The following NCOA1 variants were observed in gnomAD, a reference collection of about 807,000 sequenced individuals.
NCOA1 encodes the protein nuclear receptor coactivator 1, also known as Hin-2 protein.
A neutral mutation model predicts 150.9 loss-of-function variants in NCOA1; 35 were observed. The observed-to-expected ratio is 0.23, with a 90% CI of 0.18 to 0.31. The LOEUF is 0.31. NCOA1 is among the 10% of genes least tolerant of loss of function. The pLI is 1.00. For synonymous variants in NCOA1, 590 were observed against 630.0 expected (o/e 0.94, Z 0.95); for missense variants, 1,491 against 1,749.3 (o/e 0.85, Z 2.63).
intron 6 of NCOA1, among the ~76,000 whole-genome samples, chr2:24,668,155 G>A (rs1173336904): frequency 6.6e-6 from 1 of 152,088 alleles, no homozygotes; most frequent in African/African-American, 2.4e-5. Flanking sequence ...AATGGAAAAT[G>A]AGAGAAAAAA....
At chr2:24,622,661 A>G (rs1009710874) in intron 3 of NCOA1, among the ~76,000 whole-genome samples, 1 of 152,122 alleles carries the variant, frequency 6.6e-6, no homozygotes, top group African/African-American at 2.4e-5. Context: ...GTCTTTTGCC[A>G]TTTTGATAGA....
intron 14 of NCOA1, among the ~76,000 whole-genome samples, chr2:24,717,953 A>G (rs115485288): frequency 4.9e-4 from 74 of 150,894 alleles, no homozygotes; most frequent in African/African-American, 1.8e-3. Context: ...CTGGAGTGCA[A>G]TGGCATGATT....
intron 1 of NCOA1, among the ~76,000 whole-genome samples, chr2:24,505,933 A>G (rs1185215922): frequency 1.3e-5 from 2 of 152,120 alleles, no homozygotes; most frequent in African/African-American, 4.8e-5. Flanking sequence ...CAACATACAG[A>G]GTAAAGCAGA....
intron 11 of NCOA1, among the ~76,000 whole-genome samples, chr2:24,701,362 T>C (rs961721012): frequency 6.6e-6 from 1 of 151,600 alleles, no homozygotes; most frequent in Non-Finnish European, 1.5e-5. Context: ...ATACAAAAAT[T>C]AGCTAGGCGT....
Position 24,706,935 on chromosome 2 carries a change from C to T in NCOA1, c.1465C>T (p.Pro489Ser). The change falls in exon 13 of 23, where the codon CCA becomes TCA. Residue 489 changes from proline (P) to serine (S), a missense_variant. Around this residue, in one of 8 missense-constraint regions of NCOA1, gnomAD observed 703 missense variants for 717.7 expected, o/e 0.98. Coordinates refer to ENST00000348332, the MANE Select transcript of NCOA1 (RefSeq NM_003743.5). ...AATATCCCTAGCACAGTTCATGTCT[C>T]CAAGGAGACAGGTTACTTCTGGATT... is the stretch of plus-strand genomic sequence containing the variant. ...TGISLAQFMS[P>S]RRQVTSGLAT... 6.2e-7 allele frequency: 1 copy of T among 1,614,168 alleles called. No homozygotes were observed. Among genetic ancestry groups the T allele is most frequent in the Non-Finnish European group, 8.5e-7 (1 of 1,180,018 alleles).
At chr2:24,629,963 C>T (rs963842031) in intron 3 of NCOA1, among the ~76,000 whole-genome samples, 1 of 151,176 alleles carries the variant, frequency 6.6e-6, no homozygotes, top group African/African-American at 2.4e-5. Flanking sequence ...CCTGCCTCAG[C>T]CTCCGGAGTA....
At chr2:24,664,525 A>G (rs1277522321) in intron 5 of NCOA1, among the ~76,000 whole-genome samples, 2 of 152,138 alleles carry the variant, frequency 1.3e-5, no homozygotes, top group African/African-American at 4.8e-5. Context: ...CCTGGCCAAC[A>G]TGGTGAAACC....
At chr2:24,739,405 T>G in intron 17 of NCOA1, 27 bp from the exon 18 acceptor site, 1 of 1,496,430 alleles carries the variant, frequency 6.7e-7, no homozygotes, top group South Asian at 1.1e-5. Context: ...TGTAGAAATA[T>G]ATCTTATTGT....
intron 21 of NCOA1, 107 bp from the exon 22 acceptor site, chr2:24,762,580 C>A: frequency 1.1e-6 from 1 of 917,122 alleles, no homozygotes; most frequent in Non-Finnish European, 1.7e-6. Context: ...TTCATTTTTG[C>A]TGTGCTCCTA....
intron 14 of NCOA1, among the ~76,000 whole-genome samples, chr2:24,722,471 G>A (rs1342164017): frequency 4.6e-5 from 7 of 152,090 alleles, no homozygotes; most frequent in Admixed American, 2.6e-4. Context: ...AACCAAATAC[G>A]TTGATCTAAA....
intron 3 of NCOA1, among the ~76,000 whole-genome samples, chr2:24,594,239 G>A (rs948359905): frequency 6.6e-6 from 1 of 152,052 alleles, no homozygotes; most frequent in African/African-American, 2.4e-5. Context: ...ATGGTAATTT[G>A]TAATTTATAA....
At chr2:24,608,704 GTTTTT>G (rs56710627) in intron 3 of NCOA1, among the ~76,000 whole-genome samples, 1 of 117,330 alleles carries the variant, frequency 8.5e-6, no homozygotes. Context: ...TTGTTGTTGT[GTTTTT>G]TTTTTTTTTT....
chr2:24,608,668 G>A (rs1421347608), intron 3 of NCOA1, among the ~76,000 whole-genome samples: 1 of 149,234 alleles, frequency 6.7e-6, no homozygotes, highest in South Asian at 2.1e-4. Context: ...GATTTCAACA[G>A]GTTTTTTTGT....
intron 19 of NCOA1, among the ~76,000 whole-genome samples, 175 bp downstream of exon 19, chr2:24,742,361 G>A (rs982927464): frequency 2.0e-5 from 3 of 152,166 alleles, no homozygotes; most frequent in Non-Finnish European, 4.4e-5. Flanking sequence ...TGGTTGACTG[G>A]TTTGAGGCTT....
At chr2:24,649,907 C>G (rs978939860) in intron 4 of NCOA1, among the ~76,000 whole-genome samples, 1 of 151,962 alleles carries the variant, frequency 6.6e-6, no homozygotes, top group Non-Finnish European at 1.5e-5. Context: ...GGGCAAGTTA[C>G]CAAATCCTTG....
At chr2:24,646,686 ATTTTTCT>A (rs1670489406) in intron 4 of NCOA1, among the ~76,000 whole-genome samples, 2 of 148,456 alleles carry the variant, frequency 1.3e-5, no homozygotes. Context: ...AGATTCATGG[ATTTTTCT>A]TTTTTCTTCT....
chr2:24,726,502 C>G (rs1674629034), intron 14 of NCOA1, 87 bp from the exon 15 acceptor site: 2 of 700,744 alleles, frequency 2.9e-6, no homozygotes, highest in African/African-American at 1.8e-5. Context: ...AAGGAGAAAT[C>G]TCACTCTCCA....
chr2:24,701,011 A>T (rs1196917952), intron 11 of NCOA1, among the ~76,000 whole-genome samples: 1 of 152,226 alleles, frequency 6.6e-6, no homozygotes, highest in Non-Finnish European at 1.5e-5. Flanking sequence ...AATACCTTTT[A>T]AATTTTGTTA....
Position 24,529,928 on chromosome 2 carries a change from C to G in NCOA1, c.-395-34367C>G, listed in dbSNP as rs1468058375. ...GACATTCTTTACTTTTAGCCTATTT[C>G]AGATTTTAAAAAAGTGGTTTTCAAT... On this transcript the variant is annotated intron_variant, in intron 1 of 22. Coordinates refer to ENST00000348332, the MANE Select transcript of NCOA1 (RefSeq NM_003743.5). 2.0e-5 allele frequency among the ~76,000 whole-genome samples: 3 copies of G among 152,126 alleles called. No homozygotes were observed. In the East Asian group the frequency reaches 5.8e-4, roughly 29 times the overall value.
Sources: allele counts gnomAD v4.1 joint callset (sites outside exome capture counted in the v4.1 genomes callset), GRCh38; gene constraint gnomAD v4.1.1; regional missense constraint gnomAD v4.1.1; transcripts MANE v1.5; gene names NCBI Gene and HGNC (gene_info 2026-07-23, HGNC 2026-07-21).